The following RALGAPA2 variants were observed in gnomAD, a reference collection of about 807,000 sequenced individuals.
The protein encoded by RALGAPA2 is ral GTPase-activating protein subunit alpha-2.
RALGAPA2 carries 139 observed loss-of-function variants against 230.4 expected under a neutral mutation model. That is an observed-to-expected ratio of 0.60 (90% confidence interval 0.53 to 0.69). The LOEUF is 0.69. Ranked by LOEUF, RALGAPA2 falls within the 30% of genes least tolerant of loss-of-function variation. The pLI is 0.00. For synonymous variants in RALGAPA2, 847 were observed against 837.8 expected, an observed-to-expected ratio of 1.01 and a Z score of -0.19; for missense variants, 2,163 against 2,276.0, an observed-to-expected ratio of 0.95 and a Z score of 1.01.
intron 1 of RALGAPA2, among the ~76,000 whole-genome samples, chr20:20,685,990 T>C (rs148034842): frequency 6.6e-6 from 1 of 152,236 alleles, no homozygotes; most frequent in African/African-American, 2.4e-5. Context: ...TTCTGAATTT[T>C]TAAAGAAATC....
chr20:20,595,982 C>A (rs1262064743), intron 16 of RALGAPA2, among the ~76,000 whole-genome samples: 5 of 151,582 alleles, frequency 3.3e-5, no homozygotes, highest in African/African-American at 7.3e-5. Flanking sequence ...AACAAACAAA[C>A]AAAAAAACTG....
chr20:20,582,173 T>A (rs530672567), intron 20 of RALGAPA2, among the ~76,000 whole-genome samples: 6 of 151,216 alleles, frequency 4.0e-5, no homozygotes, highest in African/African-American at 1.5e-4. Context: ...TGTGTGTGTG[T>A]GTGTGTGTGT....
intron 39 of RALGAPA2, among the ~76,000 whole-genome samples, chr20:20,396,008 C>T (rs546626774): frequency 7.5e-4 from 114 of 152,312 alleles, no homozygotes; most frequent in Middle Eastern, 6.8e-3. Flanking sequence ...CCAGGCCACA[C>T]GGGACAGGGT....
intron 33 of RALGAPA2, among the ~76,000 whole-genome samples, chr20:20,510,123 A>G (rs1485229619): frequency 6.6e-6 from 1 of 152,174 alleles, no homozygotes; most frequent in Non-Finnish European, 1.5e-5. Flanking sequence ...AACACACACA[A>G]TGGTGAAAAT....
chr20:20,528,694 C>G (rs1474355056), intron 27 of RALGAPA2, among the ~76,000 whole-genome samples: 3 of 152,232 alleles, frequency 2.0e-5, no homozygotes, highest in Non-Finnish European at 4.4e-5. Context: ...AGCCAACCAA[C>G]ACCTTGCTGA....
chr20:20,680,382 G>A (rs546038204), intron 2 of RALGAPA2, among the ~76,000 whole-genome samples: 1 of 152,252 alleles, frequency 6.6e-6, no homozygotes, highest in African/African-American at 2.4e-5. Flanking sequence ...CCCTTTTATG[G>A]AATCTAAATT....
At chr20:20,532,899 G>A (rs1387383132) in intron 26 of RALGAPA2, among the ~76,000 whole-genome samples, 1 of 152,108 alleles carries the variant, frequency 6.6e-6, no homozygotes, top group African/African-American at 2.4e-5. Flanking sequence ...GCACTATTCA[G>A]GAAAAGAGTA....
chr20:20,483,969 G>A (rs1024531965), intron 36 of RALGAPA2, among the ~76,000 whole-genome samples: 4 of 152,144 alleles, frequency 2.6e-5, no homozygotes, highest in Non-Finnish European at 5.9e-5. Context: ...ACGCTATCAG[G>A]GGTGTCCTGC....
chr20:20,488,106 C>T (rs891136149), intron 36 of RALGAPA2, among the ~76,000 whole-genome samples: 3 of 152,144 alleles, frequency 2.0e-5, no homozygotes, highest in African/African-American at 7.2e-5. Context: ...CCTCCATTTA[C>T]ATGGGTTTCG....
intron 36 of RALGAPA2, among the ~76,000 whole-genome samples, chr20:20,487,505 T>A (rs1413044860): frequency 6.6e-6 from 1 of 152,194 alleles, no homozygotes; most frequent in Non-Finnish European, 1.5e-5. Context: ...AAAGTGCTTT[T>A]CAGTTTTGTT....
chr20:20,675,457 T>A (rs1164716115), intron 3 of RALGAPA2, among the ~76,000 whole-genome samples: 4 of 152,142 alleles, frequency 2.6e-5, no homozygotes, highest in African/African-American at 4.8e-5. Context: ...AGGCCTTTCC[T>A]TTACAGCTAT....
intron 3 of RALGAPA2, among the ~76,000 whole-genome samples, chr20:20,666,903 G>A (rs11696178): frequency 1.3e-5 from 2 of 151,974 alleles, no homozygotes; most frequent in East Asian, 3.9e-4. Context: ...AGAAGAGGAG[G>A]AGGCAGGGGT....
rs920885243 is a variant in RALGAPA2 at position 20,392,088 on chromosome 20, T to C, written c.*1201A>G. 3.9e-5 allele frequency: 6 copies of C among 152,200 alleles called. No homozygotes were observed. The highest frequency in any genetic ancestry group is 7.3e-5 in the Non-Finnish European group (5 of 68,050). 9.4% of individuals were successfully genotyped at this position (152,200 alleles called of 1,614,324 possible). A position where few individuals can be genotyped will look rare whatever the true frequency, so the allele number is the denominator to read the frequency against. ...AGCAGCTCTTCGCTGCTGACTGATT[T>C]CTCTGCTGCAGGACGGGCAAGGCCC... is the stretch of plus-strand genomic sequence containing the variant. On this transcript the variant is annotated 3_prime_UTR_variant, in exon 40 of 40. Transcript: ENST00000202677.
At chr20:20,644,084 C>T (rs766036681) in intron 4 of RALGAPA2, among the ~76,000 whole-genome samples, 29 of 152,122 alleles carry the variant, frequency 1.9e-4, no homozygotes, top group Non-Finnish European at 2.9e-4. Context: ...CTGCAGCCCA[C>T]TAGAATGAGA....
chr20:20,640,733 G>A lies in RALGAPA2; in HGVS notation c.518C>T (p.Thr173Ile). The A allele has an allele frequency of 6.2e-7, 1 of 1,613,902 alleles. No homozygotes were observed. Among genetic ancestry groups the A allele is most frequent in the East Asian group, 2.2e-5 (1 of 44,890 alleles). Residue 173 changes from threonine to isoleucine, a missense_variant, in exon 6 of 40, where the codon ACA becomes ATA. Transcript: ENST00000202677. ...TACACTAGGGCTGGGATTGATGAGTGTCTCCAGTGTGCAAGGGCCCCTGGA... is the reference window on the plus strand; with the variant it reads ...TACACTAGGGCTGGGATTGATGAGTATCTCCAGTGTGCAAGGGCCCCTGGA... The part of the protein sequence containing the change: ...MSSRGPCTLE[T>I]LINPSPSVAD...
intron 1 of RALGAPA2, among the ~76,000 whole-genome samples, chr20:20,700,543 T>A (rs2146980284): frequency 6.6e-6 from 1 of 152,332 alleles, no homozygotes; most frequent in South Asian, 2.1e-4. Flanking sequence ...CAGTTTTGGT[T>A]TTCATAAATT....
At chr20:20,532,805 G>C (rs1298395356) in intron 26 of RALGAPA2, among the ~76,000 whole-genome samples, 1 of 152,182 alleles carries the variant, frequency 6.6e-6, no homozygotes, top group Non-Finnish European at 1.5e-5. Context: ...ATTAGGTAGA[G>C]GAGGAGAGGT....
At chr20:20,658,442 T>TAA (rs1054353791) in intron 3 of RALGAPA2, among the ~76,000 whole-genome samples, 4 of 152,228 alleles carry the variant, frequency 2.6e-5, no homozygotes, top group African/African-American at 9.6e-5. Flanking sequence ...GCCAATATTC[T>TAA]AAGCTATACT....
intron 4 of RALGAPA2, among the ~76,000 whole-genome samples, chr20:20,653,195 CAAAAAAAAAAA>C (rs60906434): frequency 0.047 from 1,307 of 27,518 alleles, 27 homozygotes; most frequent in African/African-American, 0.12. Flanking sequence ...GACTCCATCT[CAAAAAAAAAAA>C]AAAAAAAAAA....
Sources: gnomAD v4.1 joint callset for allele counts (sites outside exome capture counted in the v4.1 genomes callset) on GRCh38, gnomAD v4.1.1 for gene constraint, MANE v1.5 for transcripts, NCBI Gene and HGNC (gene_info 2026-07-23, HGNC 2026-07-21) for gene names.